Variants in TNRC6A observed in about 807,000 individuals in gnomAD.
The protein encoded by TNRC6A is trinucleotide repeat containing adaptor 6A.
TNRC6A carries 44 observed loss-of-function variants against 221.2 expected under a neutral mutation model. The ratio of observed to expected loss-of-function variants is 0.20; its 90% confidence interval spans 0.16 to 0.26. TNRC6A has a LOEUF of 0.26. TNRC6A is among the 10% of genes least tolerant of loss of function. The pLI, the probability that TNRC6A is intolerant of heterozygous loss-of-function variation, is 1.00. For synonymous variants in TNRC6A, 847 were observed against 838.5 expected (o/e 1.01, Z -0.18); for missense variants, 2,199 against 2,404.4 (o/e 0.91, Z 1.79).
chr16:24,622,813 C>A (rs967843496), intron 1 of TNRC6A, among the ~76,000 whole-genome samples: 18 of 152,266 alleles, frequency 1.2e-4, no homozygotes, highest in Non-Finnish European at 2.2e-4. Context: ...GTGGAACTAC[C>A]ATTATTATCA....
At chr16:24,713,892 C>T (rs373068755) in intron 2 of TNRC6A, among the ~76,000 whole-genome samples, 38 of 152,298 alleles carry the variant, frequency 2.5e-4, no homozygotes, top group East Asian at 1.2e-3. Context: ...GTGATCCACC[C>T]GCCTCAGCCT....
At chr16:24,762,693 C>T (rs2151539803) in intron 4 of TNRC6A, among the ~76,000 whole-genome samples, 1 of 152,294 alleles carries the variant, frequency 6.6e-6, no homozygotes, top group South Asian at 2.1e-4. Context: ...TAGATATTAG[C>T]ACCACTTACA....
chr16:24,794,168 T>A (rs547770264), intron 7 of TNRC6A, among the ~76,000 whole-genome samples: 1 of 152,350 alleles, frequency 6.6e-6, no homozygotes, highest in South Asian at 2.1e-4. Context: ...GAATACTCTC[T>A]GGCCATTCTC....
At chr16:24,822,008 C>CTGCTAA in intron 22 of TNRC6A, 69 bp from the exon 23 acceptor site, 3 of 1,455,564 alleles carry the variant, frequency 2.1e-6, no homozygotes, top group Non-Finnish European at 2.9e-6. Context: ...GCCAGGTGAT[C>CTGCTAA]TGCTAAGTAA....
intron 5 of TNRC6A, among the ~76,000 whole-genome samples, chr16:24,788,272 T>C (rs910768749): frequency 3.9e-5 from 6 of 152,240 alleles, no homozygotes; most frequent in African/African-American, 1.2e-4. Context: ...ACCATTACTT[T>C]TCTGTTCTTT....
intron 16 of TNRC6A, 108 bp from the exon 17 acceptor site, chr16:24,806,466 C>T: frequency 7.0e-7 from 1 of 1,430,042 alleles, no homozygotes; most frequent in Non-Finnish European, 9.7e-7. Flanking sequence ...AGTGATTATT[C>T]ACCTTTCTGC....
intron 1 of TNRC6A, among the ~76,000 whole-genome samples, chr16:24,633,870 C>T (rs566414443): frequency 1.1e-4 from 16 of 152,140 alleles, no homozygotes; most frequent in African/African-American, 3.6e-4. Context: ...GCAACCTCTG[C>T]CTCCCGGTTC....
At chr16:24,618,901 A>G (rs1268288094) in intron 1 of TNRC6A, among the ~76,000 whole-genome samples, 1 of 152,076 alleles carries the variant, frequency 6.6e-6, no homozygotes, top group Non-Finnish European at 1.5e-5. Flanking sequence ...AAGTGCTAGG[A>G]TTACAGGTGT....
chr16:24,818,558 G>T (rs1242164947), intron 20 of TNRC6A, 35 bp from the exon 21 acceptor site: 2 of 1,559,148 alleles, frequency 1.3e-6, no homozygotes, highest in East Asian at 2.2e-5. Flanking sequence ...CACGTCCCTT[G>T]CTCTGGTGGC....
At chr16:24,730,998 A>C (rs1170714501) in intron 2 of TNRC6A, among the ~76,000 whole-genome samples, 1 of 143,372 alleles carries the variant, frequency 7.0e-6, no homozygotes, top group Non-Finnish European at 1.5e-5. Context: ...TTTTTAAACG[A>C]TGTCTTTATG....
intron 5 of TNRC6A, among the ~76,000 whole-genome samples, chr16:24,788,526 A>G (rs2058022498): frequency 6.6e-6 from 1 of 152,058 alleles, no homozygotes. Context: ...TTTCTGATAC[A>G]TTTTATCAAA....
At position 24,789,368 on chromosome 16, in the gene TNRC6A, C is replaced by A; in HGVS notation, c.726C>A (p.Ala242=). 1 of 1,614,174 alleles carries A rather than the reference C, an allele frequency of 6.2e-7. No individual in the cohort carries two copies. The highest frequency in any genetic ancestry group is 1.1e-5 in the South Asian group (1 of 91,084). Residue 242 remains alanine, a synonymous_variant, in exon 6 of 25, where the codon GCC becomes GCA. Coordinates refer to ENST00000395799, the MANE Select transcript of TNRC6A (RefSeq NM_014494.4). ...DLSEKEAWPS[A]PGSDPELASE... is the part of the protein sequence containing the mutation. ...CGGAAAAAGAAGCATGGCCCTCAGCCCCTGGCAGTGATCCGGAGTTGGCTT... is the reference window on the plus strand; with the variant it reads ...CGGAAAAAGAAGCATGGCCCTCAGCACCTGGCAGTGATCCGGAGTTGGCTT...
chr16:24,792,858 G>A (rs1320200467), intron 6 of TNRC6A, among the ~76,000 whole-genome samples: 4 of 149,000 alleles, frequency 2.7e-5, no homozygotes, highest in South Asian at 4.3e-4. Context: ...GCATGATCTC[G>A]GTTCACTGCA....
intron 2 of TNRC6A, among the ~76,000 whole-genome samples, chr16:24,666,471 CAAAAAAAA>C (rs765727823): frequency 2.4e-5 from 2 of 83,934 alleles, no homozygotes; most frequent in African/African-American, 4.8e-5. Flanking sequence ...GACTCCGTCT[CAAAAAAAA>C]AAAAAAAAAA....
intron 4 of TNRC6A, chr16:24,776,440 A>G: frequency 1.0e-6 from 1 of 985,476 alleles, no homozygotes; most frequent in Non-Finnish European, 1.2e-6. Context: ...TAAGAAAACC[A>G]GCAGGTTGTT....
intron 2 of TNRC6A, among the ~76,000 whole-genome samples, chr16:24,714,320 T>TG (rs2056269378): frequency 7.0e-6 from 1 of 142,014 alleles, no homozygotes. Context: ...TTTTTTTTTT[T>TG]TTTTTTGAGA....
At chr16:24,806,986 G>A (rs1013747495) in intron 17 of TNRC6A, among the ~76,000 whole-genome samples, 4 of 151,330 alleles carry the variant, frequency 2.6e-5, no homozygotes, top group Non-Finnish European at 4.4e-5. Context: ...AGAAAATCAC[G>A]ATTTTTCTTT....
chr16:24,797,852 A>AT, intron 10 of TNRC6A, 63 bp from the exon 11 acceptor site: 2 of 1,448,306 alleles, frequency 1.4e-6, no homozygotes, highest in East Asian at 2.4e-5. Flanking sequence ...AAAATTCTTC[A>AT]TTTTTTATTT....
chr16:24,612,222 C>T (rs1179948355), intron 1 of TNRC6A, among the ~76,000 whole-genome samples: 1 of 152,142 alleles, frequency 6.6e-6, no homozygotes, highest in Non-Finnish European at 1.5e-5. Flanking sequence ...TGAGCTATAC[C>T]AACGTCTGTT....
Sources: allele counts gnomAD v4.1 joint callset (sites outside exome capture counted in the v4.1 genomes callset), GRCh38; gene constraint gnomAD v4.1.1; transcripts MANE v1.5; gene names NCBI Gene and HGNC (gene_info 2026-07-23, HGNC 2026-07-21).